The following EXOC4 variants were observed in gnomAD, a reference collection of about 807,000 sequenced individuals.
EXOC4 encodes exocyst complex component 4.
Under a neutral mutation model 107.2 loss-of-function variants are expected in EXOC4, and 71 were observed. That is an observed-to-expected ratio of 0.66 (90% CI 0.55 to 0.81). The LOEUF (loss-of-function observed/expected upper bound fraction) is 0.81, where lower values mean the gene tolerates loss of function less well. Among genes scored for constraint, EXOC4 ranks in the 30% least tolerant of loss-of-function variants. The probability of loss-of-function intolerance (pLI) is 0.00; values close to 1 mark genes in which losing one functional copy is unlikely to be tolerated. For missense variants in EXOC4, 1,108 were observed against 1,189.6 expected (o/e 0.93, Z 1.01); for synonymous variants, 456 against 441.2 (o/e 1.03, Z -0.42).
chr7:133,925,009 C>G lies in EXOC4; in HGVS notation c.2027+7271C>G, dbSNP rs13226245. Among the ~76,000 whole-genome samples, 1,083 of 152,362 alleles carry G rather than the reference C, an allele frequency of 7.1e-3. 6 individuals are homozygous for G. The highest frequency in any genetic ancestry group is 0.027 in the Middle Eastern group (8 of 294). ...GCAAAGTTAAGTAGAAGAGGACACT[C>G]TTCATTGATATTCCAATGTGGTAGA... On this transcript the variant is annotated intron_variant, in intron 13 of 17. Coordinates refer to ENST00000253861, the MANE Select transcript of EXOC4 (RefSeq NM_021807.4).
chr7:133,997,640 T>C lies in EXOC4; in HGVS notation c.2348+7T>C. 6.2e-7 allele frequency: 1 copy of C among 1,612,336 alleles called. No individual in the cohort carries two copies. The highest frequency in any genetic ancestry group is 8.5e-7 in the Non-Finnish European group (1 of 1,179,136). On this transcript the variant is annotated splice_region_variant and intron_variant, in intron 15 of 17. Transcript: ENST00000253861. ...TCTTACATCTGGAAGTGAGGTATGA[T>C]ACAGCCAAGCCCAGGACCTTGCAAT...
At chr7:133,322,110 T>A (rs1676003859) in intron 5 of EXOC4, among the ~76,000 whole-genome samples, 2 of 152,256 alleles carry the variant, frequency 1.3e-5, no homozygotes, top group Admixed American at 1.3e-4. Flanking sequence ...TTGTAGATTC[T>A]GGATATTAGC....
At chr7:133,625,932 G>A (rs918721252) in intron 9 of EXOC4, among the ~76,000 whole-genome samples, 1 of 152,064 alleles carries the variant, frequency 6.6e-6, no homozygotes, top group African/African-American at 2.4e-5. Flanking sequence ...CCTGGCCAGC[G>A]ACGGTGGCTC....
chr7:133,706,395 A>G (rs1794769475), intron 10 of EXOC4, among the ~76,000 whole-genome samples: 2 of 152,220 alleles, frequency 1.3e-5, no homozygotes, highest in Non-Finnish European at 2.9e-5. Context: ...ATTTGTACTT[A>G]TATTTACATT....
At position 133,874,435 on chromosome 7, in the gene EXOC4, G is replaced by C. The variant is rs148939639; in HGVS notation, c.1735-21164G>C. Reference sequence around the variant, plus strand: ...AGTGTTATTGTCCCTCCCAGTAGGAGGCATATCCAAGTTGAATCTCCACTC... The same window carrying C: ...AGTGTTATTGTCCCTCCCAGTAGGACGCATATCCAAGTTGAATCTCCACTC... On this transcript the variant is annotated intron_variant, in intron 11 of 17. Transcript: ENST00000253861. Among the ~76,000 whole-genome samples, 18 of 152,312 alleles carry C rather than the reference G, an allele frequency of 1.2e-4. 1 individual carries two copies. Among genetic ancestry groups the C allele is most frequent in the African/African-American group, 3.4e-4 (14 of 41,564 alleles).
intron 7 of EXOC4, among the ~76,000 whole-genome samples, chr7:133,412,634 C>T (rs1362774870): frequency 6.6e-6 from 1 of 151,712 alleles, no homozygotes; most frequent in African/African-American, 2.4e-5. Flanking sequence ...CCAGCCTGGG[C>T]AACATAGTGA....
intron 10 of EXOC4, among the ~76,000 whole-genome samples, chr7:133,654,854 C>G (rs1460007260): frequency 3.9e-5 from 6 of 152,158 alleles, no homozygotes. Context: ...GGTTACTGTT[C>G]TGAACATTAT....
At position 133,982,704 on chromosome 7, in the gene EXOC4, A is replaced by G. The variant is rs555260355; in HGVS notation, c.2207-14788A>G. 2.8e-4 allele frequency among the ~76,000 whole-genome samples: 42 copies of G among 152,312 alleles called. No individual in the cohort carries two copies. In the South Asian group the frequency reaches 8.7e-3, roughly 32 times the overall value. On this transcript the variant is annotated intron_variant, in intron 14 of 17. Coordinates refer to ENST00000253861, the MANE Select transcript of EXOC4 (RefSeq NM_021807.4). Reference sequence around the variant, plus strand: ...TTTCTCATTTAATCATCAGAATCCTATGGGTCAGATAGGATGATCCTCCTT... The same window carrying G: ...TTTCTCATTTAATCATCAGAATCCTGTGGGTCAGATAGGATGATCCTCCTT...
chr7:133,553,205 C>T (rs138025383), intron 9 of EXOC4, among the ~76,000 whole-genome samples: 3 of 152,254 alleles, frequency 2.0e-5, no homozygotes, highest in African/African-American at 7.2e-5. Flanking sequence ...GTGTGATATA[C>T]ATATAAAGGG....
intron 11 of EXOC4, among the ~76,000 whole-genome samples, chr7:133,822,893 T>A (rs532275071): frequency 6.6e-6 from 1 of 152,380 alleles, no homozygotes; most frequent in African/African-American, 2.4e-5. Flanking sequence ...AGTCATTTTT[T>A]AAAAAGTATT....
intron 7 of EXOC4, among the ~76,000 whole-genome samples, chr7:133,437,330 T>C (rs1274861464): frequency 6.6e-6 from 1 of 152,218 alleles, no homozygotes. Flanking sequence ...AAAAATGGAC[T>C]GTAAGCTCCC....
At chr7:133,797,455 G>A (rs1284845147) in intron 10 of EXOC4, among the ~76,000 whole-genome samples, 1 of 152,136 alleles carries the variant, frequency 6.6e-6, no homozygotes, top group Non-Finnish European at 1.5e-5. Flanking sequence ...GAGGCATTAA[G>A]GACAGGTGAC....
Position 133,405,312 on chromosome 7 carries a change from G to A in EXOC4, c.1182+30310G>A, listed in dbSNP as rs528791817. On this transcript the variant is annotated intron_variant, in intron 7 of 17. Coordinates refer to ENST00000253861, the MANE Select transcript of EXOC4 (RefSeq NM_021807.4). ...ATTAAATATGGAAGAGGAGGGAAAA[G>A]ATCTGGAATAATAATCATAAAACCA... 2.6e-5 allele frequency among the ~76,000 whole-genome samples: 4 copies of A among 152,146 alleles called. No homozygotes were observed. In the South Asian group the frequency reaches 6.2e-4, roughly 24 times the overall value.
intron 3 of EXOC4, among the ~76,000 whole-genome samples, chr7:133,299,746 T>G (rs1794601935): frequency 6.6e-6 from 1 of 152,180 alleles, no homozygotes; most frequent in African/African-American, 2.4e-5. Context: ...CTTCATTCAC[T>G]TATCAATAAC....
At chr7:133,385,005 G>A (rs1471213812) in intron 7 of EXOC4, among the ~76,000 whole-genome samples, 1 of 152,102 alleles carries the variant, frequency 6.6e-6, no homozygotes, top group East Asian at 1.9e-4. Context: ...GAAGGTCCAA[G>A]AAGACTTTAT....
At chr7:133,487,441 G>T (rs933965176) in intron 9 of EXOC4, among the ~76,000 whole-genome samples, 3 of 152,170 alleles carry the variant, frequency 2.0e-5, no homozygotes, top group Admixed American at 6.5e-5. Flanking sequence ...GCGCATGGTG[G>T]CTCACTCCTG....
At chr7:133,475,074 C>T (rs986303233) in intron 7 of EXOC4, among the ~76,000 whole-genome samples, 2 of 151,954 alleles carry the variant, frequency 1.3e-5, no homozygotes, top group African/African-American at 4.8e-5. Flanking sequence ...TAGTAGATAC[C>T]CAATAAAAAC....
At chr7:133,554,868 T>G (rs1303980020) in intron 9 of EXOC4, among the ~76,000 whole-genome samples, 2 of 152,248 alleles carry the variant, frequency 1.3e-5, no homozygotes, top group Non-Finnish European at 2.9e-5. Context: ...ACATTACATG[T>G]AGTAAATGTT....
intron 9 of EXOC4, among the ~76,000 whole-genome samples, chr7:133,567,341 A>G (rs1426308765): frequency 6.6e-6 from 1 of 150,426 alleles, no homozygotes; most frequent in African/African-American, 2.4e-5. Context: ...TTCATTTTGT[A>G]TATCATGGAG....
Sources: allele counts gnomAD v4.1 joint callset (sites outside exome capture counted in the v4.1 genomes callset), GRCh38; gene constraint gnomAD v4.1.1; transcripts MANE v1.5; gene names NCBI Gene and HGNC (gene_info 2026-07-23, HGNC 2026-07-21).